PDCD10: variants seen among roughly 807,000 people sequenced by gnomAD.
PDCD10 encodes programmed cell death protein 10.
In PDCD10, 4 loss-of-function variants were observed where a neutral mutation model predicts 29.2. That is an observed-to-expected ratio of 0.14 (90% CI 0.07 to 0.31). PDCD10 has a LOEUF of 0.31. Ranked by LOEUF, PDCD10 falls within the 10% of genes least tolerant of loss-of-function variation. The probability of loss-of-function intolerance (pLI) is 1.00; values close to 1 mark genes in which losing one functional copy is unlikely to be tolerated. For missense variants in PDCD10, 183 were observed against 257.9 expected (o/e 0.71, Z 1.99); for synonymous variants, 70 against 82.2 (o/e 0.85, Z 0.80).
intron 2 of PDCD10, among the ~76,000 whole-genome samples, 170 bp downstream of exon 2, chr3:167,734,044 T>C (rs1725105593): frequency 6.6e-6 from 1 of 152,130 alleles, no homozygotes; most frequent in South Asian, 2.1e-4. Flanking sequence ...TCCACCCTTT[T>C]CAAAAAGCAC....
chr3:167,731,057 T>C (rs1247870341), intron 2 of PDCD10: 1 of 152,198 alleles, frequency 6.6e-6, no homozygotes, highest in African/African-American at 2.4e-5. Context: ...ATTCTAACCA[T>C]GGTTCCAGTA....
At chr3:167,707,814 G>T (rs958431767) in intron 3 of PDCD10, among the ~76,000 whole-genome samples, 1 of 152,188 alleles carries the variant, frequency 6.6e-6, no homozygotes, top group African/African-American at 2.4e-5. Context: ...TGCATTAATG[G>T]ATACTGCGAC....
rs372136378 is a variant in PDCD10, at chr3:167,721,054, A to C, written c.-116-781T>G. 1.2e-4 allele frequency among the ~76,000 whole-genome samples: 19 copies of C among 152,296 alleles called. No homozygotes were observed. In the East Asian group the frequency reaches 3.7e-3, roughly 29 times the overall value. ...GTTAAGGAAATATGTTAGTTTTTAA[A>C]GAGAATACAACTATATATTTCCTTT... On this transcript the variant is annotated intron_variant, in intron 2 of 8. Transcript: ENST00000392750.
rs978302820 is a variant in PDCD10 at position 167,683,800 on chromosome 3, G to GT, written c.*507dup. On this transcript the variant is annotated 3_prime_UTR_variant, in exon 9 of 9. Transcript: ENST00000392750. ...AACTGCTGATAAGCTCCCATTAGAA[G>GT]TTTTTTAGACATTACACCAAGTTGT... 95 of 147,580 alleles carry GT rather than the reference G, an allele frequency of 6.4e-4. No homozygotes were observed. The highest frequency in any genetic ancestry group is 2.2e-3 in the African/African-American group (87 of 40,396). The allele number at this position is 147,580 out of a possible 1,614,324, so 9.1% of individuals were successfully genotyped here. A position where few individuals can be genotyped will look rare whatever the true frequency, so the allele number is the denominator to read the frequency against.
At position 167,693,081 on chromosome 3, in the gene PDCD10, G is replaced by A. The variant is rs533236811; in HGVS notation, c.395+2515C>T. 5.9e-5 allele frequency among the ~76,000 whole-genome samples: 9 copies of A among 152,222 alleles called. No homozygotes were observed. The South Asian group carries it at 8.3e-4, about 14-fold the overall frequency. ...GATAGCTGGGTTGCATACCTATCACGAACCATTATTTTCTATGGGACATAT... is the reference window on the plus strand; with the variant it reads ...GATAGCTGGGTTGCATACCTATCACAAACCATTATTTTCTATGGGACATAT... On this transcript the variant is annotated intron_variant, in intron 6 of 8. Coordinates refer to ENST00000392750, the MANE Select transcript of PDCD10 (RefSeq NM_007217.4).
chr3:167,709,256 C>T (rs889981433), intron 3 of PDCD10, among the ~76,000 whole-genome samples: 17 of 152,154 alleles, frequency 1.1e-4, no homozygotes, highest in African/African-American at 3.4e-4. Context: ...CAAAAAAGCA[C>T]TGCCAAAGAA....
intron 2 of PDCD10, among the ~76,000 whole-genome samples, chr3:167,722,391 G>A (rs374250036): frequency 2.0e-4 from 30 of 152,240 alleles, no homozygotes; most frequent in Admixed American, 5.2e-4. Flanking sequence ...ACTGTGGTGC[G>A]CACAAAAGGG....
At chr3:167,697,319 T>C (rs1259314221) in intron 4 of PDCD10, among the ~76,000 whole-genome samples, 193 bp from the exon 5 acceptor site, 1 of 152,204 alleles carries the variant, frequency 6.6e-6, no homozygotes, top group East Asian at 1.9e-4. Context: ...CTCTTTACTA[T>C]GACTAAGGTT....
intron 3 of PDCD10, among the ~76,000 whole-genome samples, chr3:167,706,540 T>C (rs1313430083): frequency 7.1e-6 from 1 of 141,010 alleles, no homozygotes; most frequent in African/African-American, 3.0e-5. Context: ...TATTTGTGTA[T>C]GTAAACATAA....
chr3:167,702,034 T>C (rs1205740344), intron 4 of PDCD10, among the ~76,000 whole-genome samples: 1 of 152,240 alleles, frequency 6.6e-6, no homozygotes, highest in Non-Finnish European at 1.5e-5. Flanking sequence ...AAGAGTTCTC[T>C]TTATTCAAGG....
chr3:167,700,909 T>C (rs1721342265), intron 4 of PDCD10, among the ~76,000 whole-genome samples: 1 of 152,118 alleles, frequency 6.6e-6, no homozygotes. Flanking sequence ...TGCCCTATTC[T>C]GAAGGAAAAA....
chr3:167,710,256 T>C (rs1423576429), intron 3 of PDCD10, among the ~76,000 whole-genome samples: 1 of 152,146 alleles, frequency 6.6e-6, no homozygotes. Flanking sequence ...ACTTTGGATC[T>C]TGGGGTCCCC....
intron 4 of PDCD10, among the ~76,000 whole-genome samples, chr3:167,699,042 AT>A (rs770157565): frequency 6.6e-6 from 1 of 152,224 alleles, no homozygotes; most frequent in Non-Finnish European, 1.5e-5. Context: ...CTTTAAAAAA[AT>A]AATACACATA....
chr3:167,690,324 G>A (rs946363724), intron 6 of PDCD10, among the ~76,000 whole-genome samples: 3 of 152,198 alleles, frequency 2.0e-5, no homozygotes, highest in Admixed American at 1.3e-4. Context: ...TTATGCAAAT[G>A]CACTAATGAA....
chr3:167,705,507 G>C (rs1469800729), intron 3 of PDCD10, among the ~76,000 whole-genome samples: 1 of 152,098 alleles, frequency 6.6e-6, no homozygotes, highest in African/African-American at 2.4e-5. Flanking sequence ...TTTTGCTTCA[G>C]AAATCTCCTG....
chr3:167,718,848 T>C (rs913677811), intron 3 of PDCD10, among the ~76,000 whole-genome samples: 1 of 151,846 alleles, frequency 6.6e-6, no homozygotes, highest in Non-Finnish European at 1.5e-5. Context: ...GTCATAACAA[T>C]ACTAGCCCTG....
chr3:167,704,730 A>C, intron 4 of PDCD10, 112 bp downstream of exon 4: 1 of 749,752 alleles, frequency 1.3e-6, no homozygotes, highest in Non-Finnish European at 2.4e-6. Context: ...AACAGGCATA[A>C]GATGGCTAAA....
At chr3:167,686,696 T>C (rs1362662098) in intron 8 of PDCD10, among the ~76,000 whole-genome samples, 1 of 152,208 alleles carries the variant, frequency 6.6e-6, no homozygotes, top group Non-Finnish European at 1.5e-5. Context: ...TCGAGCAATT[T>C]GCAATTTGAC....
intron 2 of PDCD10, chr3:167,725,258 AAAAAG>A (rs1723987463): frequency 7.3e-5 from 6 of 82,588 alleles, no homozygotes; most frequent in African/African-American, 4.1e-4. Context: ...CTCTGTCTCA[AAAAAG>A]AAAAAAAAAA....
Sources: gnomAD v4.1 joint callset for allele counts (sites outside exome capture counted in the v4.1 genomes callset) on GRCh38, gnomAD v4.1.1 for gene constraint, MANE v1.5 for transcripts, NCBI Gene and HGNC (gene_info 2026-07-23, HGNC 2026-07-21) for gene names.